Variants in NWD2 observed in about 807,000 individuals in gnomAD.
NWD2 encodes NACHT and WD repeat domain-containing protein 2.
Under a neutral mutation model 132.7 loss-of-function variants are expected in NWD2, and 37 were observed. The ratio of observed to expected loss-of-function variants is 0.28; its 90% CI spans 0.21 to 0.37. The LOEUF is 0.37. Among genes scored for constraint, NWD2 ranks in the 10% least tolerant of loss-of-function variants. NWD2 has a pLI of 1.00. For missense variants in NWD2, 1,592 were observed against 2,122.4 expected, an observed-to-expected ratio of 0.75 and a Z score of 4.91; for synonymous variants, 705 against 803.0, an observed-to-expected ratio of 0.88 and a Z score of 2.06.
chr4:37,290,462 A>G (rs1200652695), intron 1 of NWD2, among the ~76,000 whole-genome samples: 3 of 152,316 alleles, frequency 2.0e-5, no homozygotes, highest in South Asian at 2.1e-4. Flanking sequence ...ACGATATCAC[A>G]GAAGTGCAGA....
At chr4:37,341,046 C>T (rs1476214165) in intron 2 of NWD2, among the ~76,000 whole-genome samples, 1 of 152,290 alleles carries the variant, frequency 6.6e-6, no homozygotes, top group East Asian at 1.9e-4. Context: ...CTCAACCAGA[C>T]GATGGTTTGA....
chr4:37,273,941 G>A (rs1381482562), intron 1 of NWD2, among the ~76,000 whole-genome samples: 1 of 151,866 alleles, frequency 6.6e-6, no homozygotes, highest in Non-Finnish European at 1.5e-5. Context: ...GTGTGTAGAG[G>A]GAAATTTATA....
At chr4:37,258,761 T>C (rs1459375317) in intron 1 of NWD2, among the ~76,000 whole-genome samples, 3 of 152,240 alleles carry the variant, frequency 2.0e-5, no homozygotes, top group Non-Finnish European at 4.4e-5. Flanking sequence ...CTAAATGCTT[T>C]GGTTCTTTTG....
At chr4:37,340,084 G>A (rs1252816283) in intron 2 of NWD2, among the ~76,000 whole-genome samples, 1 of 139,058 alleles carries the variant, frequency 7.2e-6, no homozygotes, top group Non-Finnish European at 1.6e-5. Context: ...GGTCCCCTTT[G>A]TCAATAATTA....
At chr4:37,325,004 T>G (rs1246279675) in intron 1 of NWD2, among the ~76,000 whole-genome samples, 1 of 152,192 alleles carries the variant, frequency 6.6e-6, no homozygotes, top group Non-Finnish European at 1.5e-5. Context: ...CAAATGGTAC[T>G]TTTCATAAGA....
rs979759109 is a variant in NWD2 at position 37,444,790 on chromosome 4, G to C, written c.2802G>C (p.Glu934Asp). The C allele has an allele frequency of 6.4e-7, 1 of 1,551,818 alleles. No individual in the cohort carries two copies. Among genetic ancestry groups the C allele is most frequent in the African/African-American group, 1.4e-5 (1 of 73,016 alleles). ...CCAAACTTAGACATCTTCTTTTAGAGTGTGATAAAGATGGGCCCAAATATT... is the reference window on the plus strand; with the variant it reads ...CCAAACTTAGACATCTTCTTTTAGACTGTGATAAAGATGGGCCCAAATATT... ...SLPKLRHLLL[E>D]CDKDGPKYCS... Residue 934 changes from glutamate to aspartate, a missense_variant, in exon 7 of 7, where the codon GAG (glutamate) becomes GAC (aspartate). Physicochemically the swap from Glu to Asp is conservative, Grantham distance 45 (BLOSUM62 2). This residue lies in a region of NWD2 where 1,071 missense variants were observed against 1,398.0 expected (regional missense o/e 0.77). Transcript: ENST00000309447. This position sits in a 1 kb window ranked among gnomAD's most constrained non-coding sequence, Gnocchi z 4.8.
At chr4:37,265,390 G>A (rs113140386) in intron 1 of NWD2, among the ~76,000 whole-genome samples, 6 of 152,162 alleles carry the variant, frequency 3.9e-5, no homozygotes, top group African/African-American at 1.4e-4. Flanking sequence ...AAAACCATTC[G>A]TATTCGTTTT....
chr4:37,258,569 T>A (rs1164684149), intron 1 of NWD2, among the ~76,000 whole-genome samples: 4 of 152,198 alleles, frequency 2.6e-5, no homozygotes, highest in Admixed American at 2.0e-4. Flanking sequence ...CCAGGAGTTT[T>A]GAAACAGAAA....
Position 37,414,970 on chromosome 4 carries a change from CAG to C in NWD2, c.358-15597_358-15596del, listed in dbSNP as rs1389307143. Among the ~76,000 whole-genome samples the C allele has an allele frequency of 2.6e-5, 4 of 152,300 alleles. No individual in the cohort carries two copies. The South Asian group carries it at 6.2e-4, about 24-fold the overall frequency. Reference sequence around the variant, plus strand: ...AAGTAACTTGGCTGAGGTCACAGAGCAGAGAGCTTCTGCTCTGAACCACTGTC... The same window carrying C: ...AAGTAACTTGGCTGAGGTCACAGAGCAGAGCTTCTGCTCTGAACCACTGTC... On this transcript the variant is annotated intron_variant, in intron 3 of 6. Coordinates refer to ENST00000309447, the MANE Select transcript of NWD2 (RefSeq NM_001144990.2).
At chr4:37,333,302 G>C (rs1321230824) in intron 2 of NWD2, among the ~76,000 whole-genome samples, 1 of 152,150 alleles carries the variant, frequency 6.6e-6, no homozygotes, top group African/African-American at 2.4e-5. Flanking sequence ...TGCTGTGATG[G>C]CTTCCTGTCT....
intron 1 of NWD2, among the ~76,000 whole-genome samples, chr4:37,286,488 T>G (rs1284599244): frequency 1.3e-5 from 2 of 152,152 alleles, no homozygotes; most frequent in Non-Finnish European, 2.9e-5. Context: ...CAAATGGAGG[T>G]CCAATTTGCA....
chr4:37,433,238 C>T (rs1405171837), intron 4 of NWD2, among the ~76,000 whole-genome samples: 1 of 152,140 alleles, frequency 6.6e-6, no homozygotes, highest in East Asian at 1.9e-4. Flanking sequence ...ACCTGATACC[C>T]CAAGAAACCA....
At chr4:37,358,152 A>G (rs1052890922) in intron 3 of NWD2, among the ~76,000 whole-genome samples, 4 of 152,190 alleles carry the variant, frequency 2.6e-5, no homozygotes, top group African/African-American at 9.6e-5. Context: ...AAGACAATTC[A>G]ATTCTGTAAT....
rs183523440 is a variant in NWD2, at chr4:37,276,911, A to G, written c.151+31693A>G. Among the ~76,000 whole-genome samples the G allele has an allele frequency of 3.5e-3, 528 of 151,796 alleles. 3 individuals are homozygous for G. The highest frequency in any genetic ancestry group is 0.026 in the South Asian group (123 of 4,800). On this transcript the variant is annotated intron_variant, in intron 1 of 6. Transcript: ENST00000309447. ...AAAAAACCAAACACCACATCTTCTC[A>G]CTCATAGGTGGGAATTGAACAATGA...
intron 3 of NWD2, among the ~76,000 whole-genome samples, chr4:37,370,352 G>A (rs1198692544): frequency 6.6e-6 from 1 of 151,998 alleles, no homozygotes; most frequent in Non-Finnish European, 1.5e-5. Flanking sequence ...AATATTTCTG[G>A]ACTAGAATAT....
intron 2 of NWD2, among the ~76,000 whole-genome samples, chr4:37,334,796 G>A (rs901295936): frequency 1.3e-5 from 2 of 152,054 alleles, no homozygotes; most frequent in Non-Finnish European, 2.9e-5. Flanking sequence ...TTCATTAGTG[G>A]GCACCTGGTA....
chr4:37,410,546 T>G (rs906178954), intron 3 of NWD2, among the ~76,000 whole-genome samples: 1 of 152,082 alleles, frequency 6.6e-6, no homozygotes, highest in African/African-American at 2.4e-5. Flanking sequence ...CACACAATAA[T>G]AGTGGGAGAT....
intron 3 of NWD2, among the ~76,000 whole-genome samples, chr4:37,403,428 G>A (rs954837904): frequency 6.8e-6 from 1 of 147,924 alleles, no homozygotes; most frequent in Non-Finnish European, 1.5e-5. Context: ...AAAGATCTAG[G>A]GGCCCCAGGG....
chr4:37,338,265 G>C (rs1719450305), intron 2 of NWD2, among the ~76,000 whole-genome samples: 1 of 152,194 alleles, frequency 6.6e-6, no homozygotes. Flanking sequence ...GTAATTGGCA[G>C]TGCTCCAAAC....
Sources: allele counts gnomAD v4.1 joint callset (sites outside exome capture counted in the v4.1 genomes callset), GRCh38; gene constraint gnomAD v4.1.1; regional missense constraint gnomAD v4.1.1; non-coding constraint Gnocchi (gnomAD v3.1); transcripts MANE v1.5; gene names NCBI Gene and HGNC (gene_info 2026-07-23, HGNC 2026-07-21).